UNC80: variants seen among roughly 807,000 people sequenced by gnomAD.
UNC80 encodes protein unc-80 homolog.
A neutral mutation model predicts 384.6 loss-of-function variants in UNC80; 164 were observed. The observed-to-expected ratio is 0.43, with a 90% CI of 0.38 to 0.49. The LOEUF (loss-of-function observed/expected upper bound fraction) is 0.49. Among genes scored for constraint, UNC80 ranks in the 20% least tolerant of loss-of-function variants. UNC80 has a pLI of 0.00. For synonymous variants in UNC80, 1,486 were observed against 1,527.8 expected (o/e 0.97, Z 0.64); for missense variants, 3,330 against 4,143.0 (o/e 0.80, Z 5.39).
At chr2:209,792,583 G>A (rs1366350187) in intron 6 of UNC80, among the ~76,000 whole-genome samples, 3 of 152,114 alleles carry the variant, frequency 2.0e-5, no homozygotes, top group Admixed American at 6.5e-5. Flanking sequence ...TCCTGACCTC[G>A]TGATCCGCCC....
At chr2:209,985,987 G>A (rs1356358734) in intron 61 of UNC80, among the ~76,000 whole-genome samples, 4 of 152,040 alleles carry the variant, frequency 2.6e-5, no homozygotes, top group Non-Finnish European at 4.4e-5. Flanking sequence ...CATGACATTC[G>A]TGTTTGCCAG....
At chr2:209,993,448 C>T in intron 63 of UNC80, 22 bp downstream of exon 63, 1 of 1,541,032 alleles carries the variant, frequency 6.5e-7, no homozygotes, top group African/African-American at 1.4e-5. Context: ...TGTGTCCCTT[C>T]TGACTATACC....
intron 32 of UNC80, 104 bp downstream of exon 32, chr2:209,918,062 CTTT>C: frequency 4.5e-6 from 5 of 1,104,498 alleles, no homozygotes; most frequent in Non-Finnish European, 3.8e-6. Flanking sequence ...AGATATTCTT[CTTT>C]TTTCTCTCTG....
At chr2:209,863,022 A>G (rs897554172) in intron 22 of UNC80, among the ~76,000 whole-genome samples, 2 of 152,208 alleles carry the variant, frequency 1.3e-5, no homozygotes, top group African/African-American at 4.8e-5. Context: ...CTTGCAGGGC[A>G]GGCCCGGTGG....
intron 21 of UNC80, among the ~76,000 whole-genome samples, chr2:209,846,151 A>G (rs2082155958): frequency 6.6e-6 from 1 of 152,154 alleles, no homozygotes; most frequent in Non-Finnish European, 1.5e-5. Context: ...TAAAGAGAAC[A>G]AACATCAAAC....
At chr2:209,907,129 T>C (rs2088318907) in intron 29 of UNC80, among the ~76,000 whole-genome samples, 1 of 152,166 alleles carries the variant, frequency 6.6e-6, no homozygotes, top group Admixed American at 6.5e-5. Context: ...CCTTACTTCC[T>C]TCTTCAACTA....
At chr2:209,781,111 A>G (rs1559079437) in intron 4 of UNC80, among the ~76,000 whole-genome samples, 1 of 152,184 alleles carries the variant, frequency 6.6e-6, no homozygotes, top group Non-Finnish European at 1.5e-5. Flanking sequence ...TATAGGAGGC[A>G]TGGGAAGCCA....
At chr2:209,791,819 CAAAAAAA>C (rs71043949) in intron 6 of UNC80, among the ~76,000 whole-genome samples, 1 of 52,144 alleles carries the variant, frequency 1.9e-5, no homozygotes, top group African/African-American at 7.7e-5. Context: ...GACTCCGTCT[CAAAAAAA>C]AAAAAAAAAA....
chr2:209,775,231 G>C (rs983297183), intron 2 of UNC80, among the ~76,000 whole-genome samples: 8 of 152,124 alleles, frequency 5.3e-5, no homozygotes, highest in African/African-American at 1.9e-4. Flanking sequence ...CCCTGGCAAG[G>C]ATAGAAAATT....
At chr2:209,838,090 C>T (rs1206329928) in intron 18 of UNC80, among the ~76,000 whole-genome samples, 8 of 151,966 alleles carry the variant, frequency 5.3e-5, no homozygotes, top group Non-Finnish European at 1.5e-5. Flanking sequence ...CATCTTAGTA[C>T]GTTGTCCCAT....
intron 22 of UNC80, among the ~76,000 whole-genome samples, chr2:209,856,579 T>C (rs2124852248): frequency 6.6e-6 from 1 of 152,190 alleles, no homozygotes; most frequent in Admixed American, 6.5e-5. Flanking sequence ...ATGTTTTATG[T>C]GAATAGTATA....
At chr2:209,858,733 T>C (rs962495145) in intron 22 of UNC80, among the ~76,000 whole-genome samples, 6 of 151,954 alleles carry the variant, frequency 3.9e-5, no homozygotes, top group African/African-American at 1.2e-4. Context: ...AAAAGGTTTA[T>C]ATTTAATTTT....
Position 209,954,194 on chromosome 2 carries a change from C to G in UNC80, c.7381C>G (p.Arg2461Gly). 4 of 1,551,006 alleles carry G rather than the reference C, an allele frequency of 2.6e-6. No individual in the cohort carries two copies. Among genetic ancestry groups the G allele is most frequent in the Non-Finnish European group, 3.5e-6 (4 of 1,146,914 alleles). ...TSQVETVPAA[R>G]EEIAATAALA... Reference sequence around the variant, plus strand: ...ACAGGTGGAGACAGTACCTGCTGCCCGAGAGGAGATTGCGGCCACTGCTGC... The same window carrying G: ...ACAGGTGGAGACAGTACCTGCTGCCGGAGAGGAGATTGCGGCCACTGCTGC... Residue 2461 changes from arginine to glycine, a missense_variant, in exon 48 of 65, where the codon CGA (arginine) becomes GGA (glycine). Arg to Gly is a moderately radical substitution (Grantham distance 125). Transcript: ENST00000673920.
intron 33 of UNC80, among the ~76,000 whole-genome samples, chr2:209,920,630 AC>A (rs1056987882): frequency 2.0e-5 from 3 of 152,186 alleles, no homozygotes; most frequent in African/African-American, 7.2e-5. Context: ...AACCTTAGTA[AC>A]ACTATCAGCT....
rs1055429643 is a variant in UNC80, at chr2:209,820,451, C to A, written c.2103C>A (p.Asn701Lys). 1.3e-6 allele frequency: 2 copies of A among 1,551,462 alleles called. No individual in the cohort carries two copies. The highest frequency in any genetic ancestry group is 1.4e-5 in the African/African-American group (1 of 72,964). Residue 701 changes from asparagine (N) to lysine (K), a missense_variant, in exon 13 of 65, where the codon AAC becomes AAA. This residue lies in a region of UNC80 where 937 missense variants were observed against 1,026.8 expected (regional missense o/e 0.91). Coordinates refer to ENST00000673920, the MANE Select transcript of UNC80 (RefSeq NM_001371986.1). ...AAAAGAATAGAAAGAAGAGTGAAAA[C>A]AAGGAAAATGAGACCTTGGAAAAGA... ...CVEKNRKKSE[N>K]KENETLEKRP...
chr2:209,940,672 C>G (rs557461676), intron 43 of UNC80, among the ~76,000 whole-genome samples: 8 of 152,154 alleles, frequency 5.3e-5, no homozygotes, highest in African/African-American at 1.9e-4. Flanking sequence ...AAAAAATTAG[C>G]TGGGCATGGT....
intron 1 of UNC80, 138 bp from the exon 2 acceptor site, chr2:209,772,956 C>T (rs1574381787): frequency 1.5e-6 from 1 of 662,122 alleles, no homozygotes; most frequent in African/African-American, 1.8e-5. Flanking sequence ...TCAACACCTG[C>T]TCATTAAAAA....
In UNC80 at chr2:209,910,455, C is replaced by T. The variant is rs576992353; in HGVS notation, c.4783-2105C>T. ...CAAGTCATTAAAAAAGAGTTACTAG[C>T]TTATCACCTTGATGTGAAAGCCCTT... is the stretch of plus-strand genomic sequence containing the variant. On this transcript the variant is annotated intron_variant, in intron 29 of 64. Transcript: ENST00000673920. 7.9e-5 allele frequency among the ~76,000 whole-genome samples: 12 copies of T among 152,122 alleles called. No individual in the cohort carries two copies. In the South Asian group the frequency reaches 2.5e-3, roughly 32 times the overall value.
intron 25 of UNC80, among the ~76,000 whole-genome samples, chr2:209,882,957 G>A (rs1263842241): frequency 6.6e-6 from 1 of 152,138 alleles, no homozygotes; most frequent in African/African-American, 2.4e-5. Context: ...CTAACCTACA[G>A]TTAGTTAGCA....
Sources: allele counts gnomAD v4.1 joint callset (sites outside exome capture counted in the v4.1 genomes callset), GRCh38; gene constraint gnomAD v4.1.1; regional missense constraint gnomAD v4.1.1; transcripts MANE v1.5; gene names NCBI Gene and HGNC (gene_info 2026-07-23, HGNC 2026-07-21).